Variants in TXNRD3 observed in about 807,000 individuals in gnomAD.
TXNRD3 encodes TXNRD3 neighbor gene protein.
In TXNRD3, 68 loss-of-function variants were observed where a neutral mutation model predicts 78.2. The ratio of observed to expected loss-of-function variants is 0.87; its 90% CI spans 0.72 to 1.06. TXNRD3 has a LOEUF of 1.06. Among genes scored for constraint, TXNRD3 ranks in the 50% least tolerant of loss-of-function variants. TXNRD3 has a pLI of 0.00. For synonymous variants in TXNRD3, 296 were observed against 300.1 expected (o/e 0.99, Z 0.14); for missense variants, 751 against 809.5 (o/e 0.93, Z 0.88).
chr3:126,621,677 T>C, intron 12 of TXNRD3, 65 bp downstream of exon 12: 2 of 1,376,472 alleles, frequency 1.5e-6, no homozygotes, highest in Non-Finnish European at 9.5e-7. Context: ...CAAGTTTTAC[T>C]TGTATTAGTT....
intron 6 of TXNRD3, among the ~76,000 whole-genome samples, chr3:126,638,334 T>C (rs1932960139): frequency 6.6e-6 from 1 of 152,222 alleles, no homozygotes; most frequent in Non-Finnish European, 1.5e-5. Context: ...TCCTCTCTTT[T>C]GCTGCTCAGA....
At position 126,629,509 on chromosome 3, in the gene TXNRD3, A is replaced by G. The variant is rs1005459652; in HGVS notation, c.1198-38T>C. On this transcript the variant is annotated intron_variant, in intron 9 of 15. Coordinates refer to ENST00000524230, the MANE Select transcript of TXNRD3 (RefSeq NM_052883.3). ...AAGAGTGTAATGATGTTATCTAAAT[A>G]TGATAAAAAAGAAATACACGAAAGG... is the stretch of plus-strand genomic sequence containing the variant. 4.1e-6 allele frequency: 6 copies of G among 1,464,168 alleles called. No homozygotes were observed. The African/African-American group carries it at 8.4e-5, about 21-fold the overall frequency. 90.7% of individuals were successfully genotyped at this position (1,464,168 alleles called of 1,614,324 possible). A position where few individuals can be genotyped will look rare whatever the true frequency, so the allele number is the denominator to read the frequency against.
intron 12 of TXNRD3, among the ~76,000 whole-genome samples, chr3:126,619,720 T>C (rs1460490312): frequency 6.6e-6 from 1 of 152,224 alleles, no homozygotes; most frequent in Non-Finnish European, 1.5e-5. Flanking sequence ...TATAACAGAA[T>C]GTTCCCACAT....
At chr3:126,610,767 C>T (rs993414287) in intron 14 of TXNRD3, among the ~76,000 whole-genome samples, 3 of 152,250 alleles carry the variant, frequency 2.0e-5, no homozygotes, top group East Asian at 3.9e-4. Flanking sequence ...ACTGTCACTG[C>T]TCAGCCTCTG....
Position 126,615,352 on chromosome 3 carries a change from T to A in TXNRD3, c.1632+3A>T, listed in dbSNP as rs1156821256. ...TTAAGGAAGTAATAAAACACAATCT[T>A]ACTTCTAGATTCTCTTTTTTATATA... On this transcript the variant is annotated splice_donor_region_variant and intron_variant, in intron 13 of 15. Transcript: ENST00000524230. 1 of 1,386,402 alleles carries A rather than the reference T, an allele frequency of 7.2e-7. No individual in the cohort carries two copies. The highest frequency in any genetic ancestry group is 2.6e-5 in the East Asian group (1 of 38,838). The allele number at this position is 1,386,402 out of a possible 1,614,324, so 85.9% of individuals were successfully genotyped here.
Position 126,654,730 on chromosome 3 carries a change from G to A in TXNRD3, c.243+18C>T, listed in dbSNP as rs1455592657. 6 of 1,300,946 alleles carry A rather than the reference G, an allele frequency of 4.6e-6. No individual in the cohort carries two copies. Among genetic ancestry groups the A allele is most frequent in the Non-Finnish European group, 5.8e-6 (6 of 1,025,836 alleles). 80.6% of individuals were successfully genotyped at this position (1,300,946 alleles called of 1,614,324 possible). Reference sequence around the variant, plus strand: ...GGGCCCGGTCGCGCGCGGTGGAACCGGCGAGGGCCGCGCCTACCCGAGTAC... The same window carrying A: ...GGGCCCGGTCGCGCGCGGTGGAACCAGCGAGGGCCGCGCCTACCCGAGTAC... On this transcript the variant is annotated intron_variant, in intron 1 of 15. Transcript: ENST00000524230.
intron 12 of TXNRD3, among the ~76,000 whole-genome samples, chr3:126,617,235 T>C (rs1361239928): frequency 2.0e-5 from 3 of 152,178 alleles, no homozygotes; most frequent in African/African-American, 7.2e-5. Context: ...GAGCCTTTCA[T>C]CTCTTTCTTT....
rs1576300900 is a variant in TXNRD3, at chr3:126,655,063, G to C, written c.-73C>G. 5 of 1,290,314 alleles carry C rather than the reference G, an allele frequency of 3.9e-6. No individual in the cohort carries two copies. Among genetic ancestry groups the C allele is most frequent in the East Asian group, 3.3e-5 (1 of 30,532 alleles). The allele number at this position is 1,290,314 out of a possible 1,614,324, so 79.9% of individuals were successfully genotyped here. A position where few individuals can be genotyped will look rare whatever the true frequency, so the allele number is the denominator to read the frequency against. ...ACGCAGGCGGCTGCGGCGCCGGGAC[G>C]GGGCCTGAGGGGCGGCGAACGCTGC... On this transcript the variant is annotated 5_prime_UTR_variant, in exon 1 of 16. Coordinates refer to ENST00000524230, the MANE Select transcript of TXNRD3 (RefSeq NM_052883.3).
rs964737189 is a variant in TXNRD3 at position 126,629,430 on chromosome 3, C to T, written c.1239G>A (p.Val413=). ...CTGTTCCTTCAGTGGATTTAGCCAA[C>T]ACTTTCAGCTTTCCAGGTGAACCTT... is the stretch of plus-strand genomic sequence containing the variant. The change falls in exon 10 of 16, where the codon GTG becomes GTA. Residue 413 remains valine, a synonymous_variant. Transcript: ENST00000524230. The T allele has an allele frequency of 3.9e-6, 6 of 1,535,492 alleles. No individual in the cohort carries two copies. The African/African-American group carries it at 5.5e-5, about 14-fold the overall frequency.
At chr3:126,634,382 C>T (rs765984508) in intron 6 of TXNRD3, among the ~76,000 whole-genome samples, 2 of 152,118 alleles carry the variant, frequency 1.3e-5, no homozygotes, top group Non-Finnish European at 2.9e-5. Flanking sequence ...AGAACCCTTT[C>T]CCACTCCATG....
chr3:126,638,550 A>C (rs1932970520), intron 6 of TXNRD3, among the ~76,000 whole-genome samples: 1 of 152,108 alleles, frequency 6.6e-6, no homozygotes, highest in African/African-American at 2.4e-5. Context: ...GCTGGCCAAC[A>C]TGGTGAAACC....
chr3:126,646,479 T>C (rs1390948103), intron 2 of TXNRD3, among the ~76,000 whole-genome samples: 1 of 152,212 alleles, frequency 6.6e-6, no homozygotes, highest in Admixed American at 6.5e-5. Flanking sequence ...TCAGTGACTA[T>C]GCCAAGACAG....
At chr3:126,630,196 T>G (rs1269422203) in intron 9 of TXNRD3, among the ~76,000 whole-genome samples, 1 of 152,210 alleles carries the variant, frequency 6.6e-6, no homozygotes, top group African/African-American at 2.4e-5. Flanking sequence ...GACAGAGACA[T>G]GACCACTGGA....
chr3:126,654,711 G>T, intron 1 of TXNRD3, 37 bp downstream of exon 1: 2 of 1,241,260 alleles, frequency 1.6e-6, no homozygotes, highest in Non-Finnish European at 2.0e-6. Flanking sequence ...TGGCGGGCCC[G>T]GTCGCGCGCG....
chr3:126,623,800 T>C (rs1293170882), intron 10 of TXNRD3, among the ~76,000 whole-genome samples: 2 of 142,420 alleles, frequency 1.4e-5, no homozygotes, highest in African/African-American at 5.4e-5. Flanking sequence ...ATGCCCATTC[T>C]CACCATTTCT....
At position 126,621,760 on chromosome 3, in the gene TXNRD3, A is replaced by C; in HGVS notation, c.1506T>G (p.Phe502Leu). The C allele has an allele frequency of 6.6e-7, 1 of 1,515,342 alleles. No homozygotes were observed. The highest frequency in any genetic ancestry group is 2.5e-5 in the East Asian group (1 of 40,778). 93.9% of individuals were successfully genotyped at this position (1,515,342 alleles called of 1,614,324 possible). The stretch of plus-strand genomic sequence containing the variant: ...AACTTACCTTTTCTAAAGAGGCCCC[A>C]AAAAGTCTCTGAGCTAGCAGCTTGC... The change falls in exon 12 of 16, where the codon TTT becomes TTG. Residue 502 changes from phenylalanine to leucine, a missense_variant. Coordinates refer to ENST00000524230, the MANE Select transcript of TXNRD3 (RefSeq NM_052883.3).
At chr3:126,618,863 C>CAAAAAAAAAAAAA (rs36021189) in intron 12 of TXNRD3, among the ~76,000 whole-genome samples, 1 of 73,118 alleles carries the variant, frequency 1.4e-5, no homozygotes, top group African/African-American at 4.6e-5. Flanking sequence ...AACTCAGAGC[C>CAAAAAAAAAAAAA]AAAAAAAAAA....
At chr3:126,636,298 T>C (rs1376202512) in intron 6 of TXNRD3, among the ~76,000 whole-genome samples, 1 of 152,218 alleles carries the variant, frequency 6.6e-6, no homozygotes, top group African/African-American at 2.4e-5. Context: ...AACTCATACA[T>C]TTAAAATATC....
At chr3:126,612,472 T>C (rs1385066565) in intron 13 of TXNRD3, among the ~76,000 whole-genome samples, 1 of 152,128 alleles carries the variant, frequency 6.6e-6, no homozygotes, top group Admixed American at 6.5e-5. Context: ...TCTTACCAGG[T>C]TTGTTTTTTG....
Sources: allele counts gnomAD v4.1 joint callset (sites outside exome capture counted in the v4.1 genomes callset), GRCh38; gene constraint gnomAD v4.1.1; transcripts MANE v1.5; gene names NCBI Gene and HGNC (gene_info 2026-07-23, HGNC 2026-07-21).